The following CWF19L2 variants were observed in gnomAD, a reference collection of about 807,000 sequenced individuals.
The protein encoded by CWF19L2 is CWF19-like protein 2.
Under a neutral mutation model 111.7 loss-of-function variants are expected in CWF19L2, and 98 were observed. The observed-to-expected ratio is 0.88, with a 90% CI of 0.75 to 1.04. The LOEUF (loss-of-function observed/expected upper bound fraction) is 1.04, where lower values mean the gene tolerates loss of function less well. Ranked by LOEUF, CWF19L2 falls within the 50% of genes least tolerant of loss-of-function variation. CWF19L2 has a pLI of 0.00. For missense variants in CWF19L2, 1,101 were observed against 1,051.4 expected, an observed-to-expected ratio of 1.05 and a Z score of -0.65; for synonymous variants, 351 against 342.9, an observed-to-expected ratio of 1.02 and a Z score of -0.26.
At chr11:107,418,966 C>T (rs1226042086) in intron 8 of CWF19L2, among the ~76,000 whole-genome samples, 1 of 152,176 alleles carries the variant, frequency 6.6e-6, no homozygotes, top group Admixed American at 6.6e-5. Context: ...GGAGACATAG[C>T]CAGGAGTCCA....
chr11:107,439,280 C>T, intron 5 of CWF19L2, 97 bp from the exon 6 acceptor site: 1 of 690,724 alleles, frequency 1.4e-6, no homozygotes, highest in South Asian at 1.8e-5. Context: ...ATAGTCATAA[C>T]CCTGGACAAA....
chr11:107,436,224 G>C (rs1268759818), intron 6 of CWF19L2, among the ~76,000 whole-genome samples: 1 of 151,164 alleles, frequency 6.6e-6, no homozygotes, highest in Non-Finnish European at 1.5e-5. Context: ...AATGTAGCAT[G>C]GTTCAGGTCC....
chr11:107,434,063 T>C (rs1050233622), intron 6 of CWF19L2, among the ~76,000 whole-genome samples: 1 of 151,272 alleles, frequency 6.6e-6, no homozygotes, highest in Non-Finnish European at 1.5e-5. Context: ...ACCGCTACTA[T>C]AAAAAGATAT....
intron 12 of CWF19L2, among the ~76,000 whole-genome samples, chr11:107,356,078 G>A (rs939785018): frequency 3.3e-5 from 5 of 151,966 alleles, no homozygotes; most frequent in African/African-American, 1.2e-4. Context: ...AAATATTTTT[G>A]GAAAAATATT....
At chr11:107,452,820 A>G (rs11212248) in intron 3 of CWF19L2, among the ~76,000 whole-genome samples, 8,095 of 152,154 alleles carry the variant, frequency 0.053, 243 homozygotes, top group East Asian at 0.11. Context: ...GTAAGACTCC[A>G]TGTCTACAAA....
rs186050641 is a variant in CWF19L2 at position 107,417,336 on chromosome 11, T to C, written c.1527+858A>G. Among the ~76,000 whole-genome samples the C allele has an allele frequency of 4.1e-3, 617 of 152,296 alleles. 21 individuals carry two copies. The highest frequency in any genetic ancestry group is 7.2e-4 in the Non-Finnish European group (49 of 68,028). On this transcript the variant is annotated intron_variant, in intron 9 of 17. Transcript: ENST00000282251. ...ATAAGTGAATGGATGAATGGATAAA[T>C]GCAGCTCTTACCAAATCATCCCTAT...
At chr11:107,406,827 G>T (rs193170132) in intron 10 of CWF19L2, among the ~76,000 whole-genome samples, 1 of 150,142 alleles carries the variant, frequency 6.7e-6, no homozygotes. Flanking sequence ...TTTGTATATC[G>T]TATCTACTCT....
At chr11:107,359,696 G>A (rs1471515970) in intron 12 of CWF19L2, among the ~76,000 whole-genome samples, 1 of 151,930 alleles carries the variant, frequency 6.6e-6, no homozygotes, top group African/African-American at 2.4e-5. Flanking sequence ...GAGGCAGGAA[G>A]ACTCCTTGAA....
rs1275004640 is a variant in CWF19L2 at position 107,390,134 on chromosome 11, T to C, written c.1812A>G (p.Lys604=). ...DDNLSLNDLV[K]NEKMGTAENQ... The stretch of plus-strand genomic sequence containing the variant: ...TTTCTGCTGTTCCCATCTTTTCATT[T>C]TTGACTAAATCATTTAGGCTTAGAT... Residue 604 remains lysine (K), a synonymous_variant, in exon 12 of 18, where the codon AAA becomes AAG. Coordinates refer to ENST00000282251, the MANE Select transcript of CWF19L2 (RefSeq NM_152434.3). 1.2e-6 allele frequency: 2 copies of C among 1,612,766 alleles called. No homozygotes were observed. The highest frequency in any genetic ancestry group is 1.3e-5 in the African/African-American group (1 of 75,044).
rs78017104 is a variant in CWF19L2 at position 107,348,237 on chromosome 11, C to A, written c.2202+700G>T. ...TCATCTCTTGTGCAGTGCTAACTTA[C>A]AATTTTCACATTTTCTAATTAAGGC... On this transcript the variant is annotated intron_variant, in intron 14 of 17. Transcript: ENST00000282251. Among the ~76,000 whole-genome samples, 1,214 of 152,206 alleles carry A rather than the reference C, an allele frequency of 8.0e-3. 16 individuals carry two copies. The highest frequency in any genetic ancestry group is 0.028 in the African/African-American group (1,151 of 41,536).
rs1306688851 is a variant in CWF19L2 at position 107,455,774 on chromosome 11, A to G, written c.108T>C (p.Ala36=). 1.3e-6 allele frequency: 2 copies of G among 1,541,930 alleles called. No homozygotes were observed. Among genetic ancestry groups the G allele is most frequent in the Non-Finnish European group, 1.8e-6 (2 of 1,141,918 alleles). Residue 36 remains alanine (A), a splice_region_variant and synonymous_variant, in exon 2 of 18, where the codon GCT becomes GCC. Coordinates refer to ENST00000282251, the MANE Select transcript of CWF19L2 (RefSeq NM_152434.3). ...TTTCTTCTTTTTCAAAATTGGCTTT[A>G]GCCTACAACCAAAGAAAAAAAAAAG... ...RNARAEVLRQ[A]KANFEKEERR... is the part of the protein sequence containing the mutation.
At chr11:107,404,088 T>C (rs112305544) in intron 10 of CWF19L2, 1 of 772,876 alleles carries the variant, frequency 1.3e-6, no homozygotes, top group Non-Finnish European at 2.4e-6. Flanking sequence ...TGCTCATATA[T>C]GGTTCTCCTT....
At chr11:107,381,913 G>T (rs150412382) in intron 12 of CWF19L2, among the ~76,000 whole-genome samples, 1 of 151,968 alleles carries the variant, frequency 6.6e-6, no homozygotes, top group Non-Finnish European at 1.5e-5. Flanking sequence ...ATAACTTAAG[G>T]TAAAATCCTA....
At chr11:107,372,806 T>C (rs983808806) in intron 12 of CWF19L2, among the ~76,000 whole-genome samples, 2 of 130,978 alleles carry the variant, frequency 1.5e-5, no homozygotes, top group African/African-American at 6.4e-5. Flanking sequence ...GGTCTACAGC[T>C]CCCAGCGTGA....
chr11:107,397,044 T>G (rs1347723188), intron 10 of CWF19L2, among the ~76,000 whole-genome samples: 1 of 152,140 alleles, frequency 6.6e-6, no homozygotes, highest in African/African-American at 2.4e-5. Context: ...AGCCCGTTCC[T>G]GCCTGGCACC....
At chr11:107,442,872 G>A in intron 4 of CWF19L2, 67 bp downstream of exon 4, 5 of 863,264 alleles carry the variant, frequency 5.8e-6, no homozygotes, top group Non-Finnish European at 9.2e-6. Flanking sequence ...GAGGGAAGGA[G>A]GGAGGGAGGG....
intron 12 of CWF19L2, among the ~76,000 whole-genome samples, chr11:107,367,660 C>T (rs1308993949): frequency 1.1e-5 from 1 of 92,978 alleles, no homozygotes; most frequent in Non-Finnish European, 2.0e-5. Context: ...GGGAATATCA[C>T]ACTCTGGGGA....
At chr11:107,391,791 C>G (rs140354040) in intron 11 of CWF19L2, among the ~76,000 whole-genome samples, 112 of 152,258 alleles carry the variant, frequency 7.4e-4, no homozygotes, top group Non-Finnish European at 1.5e-3. Context: ...CTAGCTTAAA[C>G]CTCATATCCC....
intron 10 of CWF19L2, among the ~76,000 whole-genome samples, chr11:107,407,153 C>T (rs941634958): frequency 6.6e-6 from 1 of 151,966 alleles, no homozygotes; most frequent in Non-Finnish European, 1.5e-5. Flanking sequence ...TAGTCAGAAC[C>T]TCTTGGTACC....
Sources: allele counts gnomAD v4.1 joint callset (sites outside exome capture counted in the v4.1 genomes callset), GRCh38; gene constraint gnomAD v4.1.1; transcripts MANE v1.5; gene names NCBI Gene and HGNC (gene_info 2026-07-23, HGNC 2026-07-21).